The following SLC9D1 variants were observed in gnomAD, a reference collection of about 807,000 sequenced individuals.
SLC9D1 encodes putative LAG1-interacting protein.
the SLC9D1 span, chr13:113,505,245 T>C: frequency 2.0e-5 from 3 of 152,234 alleles, no homozygotes; most frequent in African/African-American, 4.8e-5. Flanking sequence ...TTTCTCCAGC[T>C]CTTTGGATTT....
the SLC9D1 span, chr13:113,520,597 A>G: frequency 6.3e-7 from 1 of 1,592,964 alleles, no homozygotes; most frequent in South Asian, 1.1e-5. Context: ...ACCTGTCTTC[A>G]ATGCCTTTCC....
At chr13:113,502,005 T>C in the SLC9D1 span, 1 of 775,132 alleles carries the variant, frequency 1.3e-6, no homozygotes, top group Non-Finnish European at 2.0e-6. Flanking sequence ...ATTTCAAAGA[T>C]GTCCTTTCAG....
At chr13:113,495,620 T>G in the SLC9D1 span, 1 of 1,560,744 alleles carries the variant, frequency 6.4e-7, no homozygotes, top group Non-Finnish European at 8.7e-7. Context: ...GGGTGCTGTT[T>G]CCCGTCCTTC....
At chr13:113,499,518 G>T in the SLC9D1 span, among the ~76,000 whole-genome samples, 1 of 152,176 alleles carries the variant, frequency 6.6e-6, no homozygotes, top group Non-Finnish European at 1.5e-5. Context: ...AATTCAGGCT[G>T]CTCATTTGTT....
chr13:113,503,632 A>G, the SLC9D1 span: 20 of 1,341,026 alleles, frequency 1.5e-5, no homozygotes, highest in East Asian at 4.1e-4. Context: ...GGAGCTTCAC[A>G]TCATGTGGTT....
chr13:113,515,388 T>C, the SLC9D1 span, among the ~76,000 whole-genome samples: 1 of 152,222 alleles, frequency 6.6e-6, no homozygotes, highest in Non-Finnish European at 1.5e-5. Flanking sequence ...TGCAAACTTT[T>C]ACACTAAAAG....
the SLC9D1 span, chr13:113,536,394 A>G: frequency 1.4e-4 from 29 of 202,230 alleles, no homozygotes; most frequent in Non-Finnish European, 2.5e-4. Flanking sequence ...ATTGTTTCTT[A>G]TATATAATTG....
the SLC9D1 span, among the ~76,000 whole-genome samples, chr13:113,543,146 G>C: frequency 0.048 from 1,965 of 41,066 alleles, 148 homozygotes; most frequent in East Asian, 0.081. Flanking sequence ...CCTCCTCCCC[G>C]TGCCCCCCGC....
At chr13:113,512,916 A>C in the SLC9D1 span, among the ~76,000 whole-genome samples, 1 of 150,470 alleles carries the variant, frequency 6.6e-6, no homozygotes, top group African/African-American at 2.4e-5. Flanking sequence ...CCCAGGGGCC[A>C]GAATGTAGAT....
chr13:113,524,248 G>A, the SLC9D1 span: 1 of 444,338 alleles, frequency 2.3e-6, no homozygotes, highest in South Asian at 1.6e-5. Context: ...ATCAGCTTTT[G>A]CTCTATGTAT....
At chr13:113,495,811 C>T in the SLC9D1 span, 2 of 1,614,132 alleles carry the variant, frequency 1.2e-6, no homozygotes, top group Non-Finnish European at 1.7e-6. Context: ...GCAATTGGAG[C>T]AGTGGAGAAA....
the SLC9D1 span, among the ~76,000 whole-genome samples, chr13:113,518,425 TGATC>T: frequency 1.3e-5 from 2 of 152,242 alleles, no homozygotes; most frequent in African/African-American, 4.8e-5. Context: ...CAGTTCACTA[TGATC>T]GGTGCAAAGG....
chr13:113,503,558 C>G, the SLC9D1 span: 2 of 1,613,730 alleles, frequency 1.2e-6, no homozygotes, highest in South Asian at 2.2e-5. Flanking sequence ...TTCTTGTTGG[C>G]TTAGAATTTT....
chr13:113,543,542 C>G, the SLC9D1 span, among the ~76,000 whole-genome samples: 1 of 51,244 alleles, frequency 2.0e-5, no homozygotes, highest in African/African-American at 1.0e-4. Context: ...CCCCCGTGCC[C>G]CCAACCTCGC....
the SLC9D1 span, among the ~76,000 whole-genome samples, chr13:113,538,182 GTGGTTTGTGTA>G: frequency 6.6e-6 from 1 of 152,116 alleles, no homozygotes. Context: ...TATGTGGTGT[GTGGTTTGTGTA>G]CGTGTGTGTG....
the SLC9D1 span, chr13:113,514,300 A>G: frequency 6.6e-6 from 1 of 152,240 alleles, no homozygotes; most frequent in Non-Finnish European, 1.5e-5. Flanking sequence ...TGTTTAGAGC[A>G]AAGGATTAAT....
the SLC9D1 span, chr13:113,504,721 A>G: frequency 5.5e-4 from 84 of 152,256 alleles, 1 homozygote; most frequent in African/African-American, 1.8e-3. Context: ...CACATTTTCT[A>G]TTGATGGGCA....
the SLC9D1 span, among the ~76,000 whole-genome samples, chr13:113,506,736 A>G: frequency 6.6e-6 from 1 of 152,212 alleles, no homozygotes; most frequent in Non-Finnish European, 1.5e-5. Flanking sequence ...AGAAGGCTCC[A>G]GTGTCTTCTG....
At chr13:113,493,356 C>G in the SLC9D1 span, among the ~76,000 whole-genome samples, 30 of 152,092 alleles carry the variant, frequency 2.0e-4, 1 homozygote, top group Non-Finnish European at 3.8e-4. Context: ...GAAGTGTAAG[C>G]AAAGCATCTC....
Sources: gnomAD v4.1 joint callset for allele counts (sites outside exome capture counted in the v4.1 genomes callset) on GRCh38, gnomAD v4.1.1 for gene constraint, MANE v1.5 for transcripts, NCBI Gene and HGNC (gene_info 2026-07-23, HGNC 2026-07-21) for gene names.